Variants in DAAM1 observed in about 807,000 individuals in gnomAD.
DAAM1 encodes dishevelled associated activator of morphogenesis 1, also known as disheveled-associated activator of morphogenesis 1.
In DAAM1, 52 loss-of-function variants were observed where a neutral mutation model predicts 130.0. That is an observed-to-expected ratio of 0.40 (90% CI 0.32 to 0.50). The LOEUF (loss-of-function observed/expected upper bound fraction) is 0.50. DAAM1 is among the 20% of genes least tolerant of loss of function. The pLI is 0.61. For synonymous variants in DAAM1, 452 were observed against 444.5 expected (o/e 1.02, Z -0.21); for missense variants, 1,134 against 1,303.8 (o/e 0.87, Z 2.01).
chr14:59,260,297 A>C (rs1594785024), intron 1 of DAAM1, among the ~76,000 whole-genome samples: 1 of 152,354 alleles, frequency 6.6e-6, no homozygotes, highest in Middle Eastern at 3.4e-3. Flanking sequence ...TTAATTGTGA[A>C]AATAGTATGT....
chr14:59,215,259 C>T (rs557190875), intron 1 of DAAM1, among the ~76,000 whole-genome samples: 66 of 152,328 alleles, frequency 4.3e-4, no homozygotes, highest in African/African-American at 1.4e-3. Flanking sequence ...AGAAATATGT[C>T]TTTTCCACAG....
chr14:59,296,952 C>T (rs1006374095), intron 3 of DAAM1, among the ~76,000 whole-genome samples: 11 of 151,486 alleles, frequency 7.3e-5, no homozygotes, highest in African/African-American at 2.7e-4. Context: ...ATAATTGAGG[C>T]TTGTTTAGTC....
At chr14:59,286,356 C>T (rs1883451677) in intron 2 of DAAM1, among the ~76,000 whole-genome samples, 2 of 152,022 alleles carry the variant, frequency 1.3e-5, no homozygotes. Flanking sequence ...CCTAATGATG[C>T]ACCTACAGGA....
At chr14:59,204,893 A>G (rs2139400419) in intron 1 of DAAM1, among the ~76,000 whole-genome samples, 1 of 152,312 alleles carries the variant, frequency 6.6e-6, no homozygotes, top group South Asian at 2.1e-4. Flanking sequence ...TAAGTAAATA[A>G]AAATCATCAG....
intron 1 of DAAM1, among the ~76,000 whole-genome samples, chr14:59,211,626 T>C (rs1399958596): frequency 6.6e-6 from 1 of 152,240 alleles, no homozygotes; most frequent in African/African-American, 2.4e-5. Context: ...CTCTACACAA[T>C]TGACCGAAGG....
intron 2 of DAAM1, among the ~76,000 whole-genome samples, chr14:59,283,279 C>T (rs1014505851): frequency 2.0e-5 from 3 of 152,040 alleles, no homozygotes; most frequent in Non-Finnish European, 4.4e-5. Flanking sequence ...ATTTATGTCA[C>T]CATTATTTTC....
intron 20 of DAAM1, among the ~76,000 whole-genome samples, chr14:59,356,538 TG>T (rs1215235131): frequency 1.3e-5 from 2 of 152,244 alleles, no homozygotes; most frequent in African/African-American, 4.8e-5. Flanking sequence ...AGCTTGCCTA[TG>T]GTTACAACAA....
chr14:59,292,285 T>C (rs1416243833), intron 3 of DAAM1, among the ~76,000 whole-genome samples: 1 of 152,108 alleles, frequency 6.6e-6, no homozygotes, highest in African/African-American at 2.4e-5. Flanking sequence ...TATACAATAA[T>C]CCAATATTTT....
At chr14:59,299,761 A>T (rs1027293349) in intron 3 of DAAM1, 2 of 152,184 alleles carry the variant, frequency 1.3e-5, no homozygotes, top group African/African-American at 4.8e-5. Flanking sequence ...TGGTGAACAA[A>T]ATGCAGTCTG....
In DAAM1 at chr14:59,243,916, A is replaced by G. The variant is rs112723884; in HGVS notation, c.-37-19525A>G. Among the ~76,000 whole-genome samples, 66 of 152,314 alleles carry G rather than the reference A, an allele frequency of 4.3e-4. 1 individual carries two copies. Among genetic ancestry groups the G allele is most frequent in the African/African-American group, 1.5e-3 (63 of 41,556 alleles). The stretch of plus-strand genomic sequence containing the variant: ...CTGTATGTCCCTGTTTCTCAAGAGC[A>G]CAGATATCACCCTCTGCTTCCTTTT... On this transcript the variant is annotated intron_variant, in intron 1 of 24. Transcript: ENST00000360909.
chr14:59,220,834 C>T (rs894518848), intron 1 of DAAM1, among the ~76,000 whole-genome samples: 16 of 152,158 alleles, frequency 1.1e-4, no homozygotes. Context: ...TTCACCCTTC[C>T]TCTGCCTTTT....
intron 2 of DAAM1, among the ~76,000 whole-genome samples, chr14:59,276,557 A>G (rs1379063470): frequency 1.3e-5 from 2 of 152,198 alleles, no homozygotes; most frequent in Non-Finnish European, 2.9e-5. Flanking sequence ...TATCCTTGAG[A>G]TGAACTGAAG....
intron 1 of DAAM1, among the ~76,000 whole-genome samples, chr14:59,246,452 A>G (rs1486507249): frequency 2.0e-5 from 3 of 152,218 alleles, no homozygotes; most frequent in Admixed American, 2.0e-4. Context: ...TTATTTATCT[A>G]TTGATGACAT....
rs1348988255 is a variant in DAAM1, at chr14:59,369,705, T to C, written c.*846T>C. 7.7e-6 allele frequency: 1 copy of C among 129,294 alleles called. No individual in the cohort carries two copies. The allele number at this position is 129,294 out of a possible 1,614,324, so 8.0% of individuals were successfully genotyped here. Reference sequence around the variant, plus strand: ...TATAAACCTTAAAAATAATAAAATATCTCACCCAAGACTTAAAGGAAGAAT... The same window carrying C: ...TATAAACCTTAAAAATAATAAAATACCTCACCCAAGACTTAAAGGAAGAAT... On this transcript the variant is annotated 3_prime_UTR_variant, in exon 25 of 25. Transcript: ENST00000360909.
chr14:59,204,228 A>G (rs534025916), intron 1 of DAAM1, among the ~76,000 whole-genome samples: 6 of 152,330 alleles, frequency 3.9e-5, no homozygotes, highest in African/African-American at 1.4e-4. Context: ...GTCAGCCAAA[A>G]TGCTGTAGTC....
intron 16 of DAAM1, 30 bp downstream of exon 16, chr14:59,340,210 G>T (rs570248836): frequency 1.3e-6 from 2 of 1,595,272 alleles, no homozygotes; most frequent in Non-Finnish European, 1.7e-6. Context: ...AACATTTCTA[G>T]TAGGACCAAC....
chr14:59,257,309 G>A (rs865831774), intron 1 of DAAM1, among the ~76,000 whole-genome samples: 21 of 151,878 alleles, frequency 1.4e-4, no homozygotes, highest in South Asian at 8.3e-4. Context: ...AATATACTAC[G>A]TGCCAGGGAT....
intron 1 of DAAM1, among the ~76,000 whole-genome samples, chr14:59,205,087 A>C (rs1462977784): frequency 6.6e-6 from 1 of 152,242 alleles, no homozygotes; most frequent in Non-Finnish European, 1.5e-5. Flanking sequence ...TAATACAACT[A>C]GTATGAGAAT....
chr14:59,197,148 C>T (rs1887924894), intron 1 of DAAM1, among the ~76,000 whole-genome samples: 1 of 152,212 alleles, frequency 6.6e-6, no homozygotes, highest in South Asian at 2.1e-4. Flanking sequence ...TCTCGATCTC[C>T]TGACCTCGTG....
Sources: allele counts gnomAD v4.1 joint callset (sites outside exome capture counted in the v4.1 genomes callset), GRCh38; gene constraint gnomAD v4.1.1; transcripts MANE v1.5; gene names NCBI Gene and HGNC (gene_info 2026-07-23, HGNC 2026-07-21).